The following DHX30 variants were observed in gnomAD, a reference collection of about 807,000 sequenced individuals.
The protein encoded by DHX30 is DExH-box helicase 30, also known as ATP-dependent RNA helicase DHX30.
DHX30 carries 4 observed loss-of-function variants against 116.9 expected under a neutral mutation model. The observed-to-expected ratio is 0.03, with a 90% CI of 0.02 to 0.08. The LOEUF is 0.08. Ranked by LOEUF, DHX30 falls within the 10% of genes least tolerant of loss-of-function variation. The pLI is 1.00. For missense variants in DHX30, 871 were observed against 1,595.1 expected (o/e 0.55, Z 7.73); for synonymous variants, 697 against 651.7 (o/e 1.07, Z -1.06).
intron 6 of DHX30, among the ~76,000 whole-genome samples, chr3:47,832,746 C>CCCA (rs2036918269): frequency 6.6e-6 from 1 of 151,878 alleles, no homozygotes; most frequent in Non-Finnish European, 1.5e-5. Flanking sequence ...AAGTGATCCT[C>CCCA]CCACCTCAGC....
At chr3:47,826,712 A>G (rs1260081394) in intron 4 of DHX30, among the ~76,000 whole-genome samples, 1 of 152,158 alleles carries the variant, frequency 6.6e-6, no homozygotes, top group Non-Finnish European at 1.5e-5. Flanking sequence ...TTGGCCTCCC[A>G]AAGTGCTGGG....
chr3:47,821,394 T>C (rs916810003), intron 4 of DHX30, among the ~76,000 whole-genome samples: 4 of 152,126 alleles, frequency 2.6e-5, no homozygotes, highest in Middle Eastern at 3.4e-3. Flanking sequence ...GCCCCCCGAG[T>C]ACCGGGGAAT....
chr3:47,837,994 G>A (rs971450013), intron 6 of DHX30, among the ~76,000 whole-genome samples: 1 of 152,194 alleles, frequency 6.6e-6, no homozygotes, highest in Non-Finnish European at 1.5e-5. Context: ...CTGTGGGGAC[G>A]AGATCCTCTG....
At chr3:47,815,272 A>G (rs748072075) in intron 3 of DHX30, among the ~76,000 whole-genome samples, 4 of 152,300 alleles carry the variant, frequency 2.6e-5, no homozygotes, top group South Asian at 2.1e-4. Context: ...GCACCTGGCT[A>G]TGGTCGGTGC....
intron 4 of DHX30, chr3:47,825,013 A>C (rs1026171846): frequency 3.2e-6 from 2 of 618,224 alleles, no homozygotes; most frequent in African/African-American, 3.9e-5. Flanking sequence ...CCTGCCGCGC[A>C]CAGGCCTCGG....
rs754452740 is a variant in DHX30, at chr3:47,829,125, G to A, written c.357G>A (p.Gln119=). The A allele has an allele frequency of 6.4e-7, 1 of 1,565,856 alleles. No individual in the cohort carries two copies. Among genetic ancestry groups the A allele is most frequent in the Admixed American group, 2.0e-5 (1 of 49,156 alleles). ...GGCAGGCTGCAGCTGCAGCCTGCCA[G>A]CTGTTCAAGGTGACCCTTCCTCAGT... is the stretch of plus-strand genomic sequence containing the variant. The part of the protein sequence containing the change: ...AERQAAAAAC[Q]LFKGWGLLGP... The change falls in exon 6 of 22, where the codon CAG becomes CAA. Residue 119 remains glutamine (Q), a synonymous_variant. Coordinates refer to ENST00000445061, the MANE Select transcript of DHX30 (RefSeq NM_138615.3).
Position 47,848,673 on chromosome 3 carries a change from T to C in DHX30, c.2625T>C (p.Ala875=). 1 of 1,614,140 alleles carries C rather than the reference T, an allele frequency of 6.2e-7. No individual in the cohort carries two copies. The highest frequency in any genetic ancestry group is 8.5e-7 in the Non-Finnish European group (1 of 1,179,998). ...EYLTTLGQRL[A]HISTDPRLAK... ...TGACTACCCTGGGGCAGCGCCTGGC[T>C]CACATCTCCACCGACCCCCGGTTGG... The change falls in exon 17 of 22, where the codon GCT becomes GCC. Residue 875 remains alanine, a synonymous_variant. Coordinates refer to ENST00000445061, the MANE Select transcript of DHX30 (RefSeq NM_138615.3). This position sits in a 1 kb window ranked among gnomAD's most constrained non-coding sequence, Gnocchi z 9.4.
At position 47,823,996 on chromosome 3, in the gene DHX30, CTTTTTTTTTTTTTTT is replaced by C. The variant is rs759550719; in HGVS notation, c.125-3341_125-3327del. Among the ~76,000 whole-genome samples the C allele has an allele frequency of 1.0e-4, 10 of 100,380 alleles. No individual in the cohort carries two copies. In the East Asian group the frequency reaches 3.0e-3, roughly 30 times the overall value. The allele number at this position is 100,380 out of a possible 152,430, so 65.9% of individuals were successfully genotyped here. A position where few individuals can be genotyped will look rare whatever the true frequency, so the allele number is the denominator to read the frequency against. ...AGCTTTCAGATACCATTTTCTTTTC[CTTTTTTTTTTTTTTT>C]TTTTTTTTTGAGATGGAGCCTTGCT... On this transcript the variant is annotated intron_variant, in intron 4 of 21. Coordinates refer to ENST00000445061, the MANE Select transcript of DHX30 (RefSeq NM_138615.3).
At chr3:47,833,555 A>G (rs991906843) in intron 6 of DHX30, among the ~76,000 whole-genome samples, 8 of 150,156 alleles carry the variant, frequency 5.3e-5, no homozygotes, top group Non-Finnish European at 8.9e-5. Context: ...AAAAAAAAAA[A>G]AAAGAAAGAG....
intron 6 of DHX30, among the ~76,000 whole-genome samples, chr3:47,834,493 A>T (rs1444708557): frequency 1.3e-5 from 2 of 152,048 alleles, no homozygotes; most frequent in African/African-American, 4.8e-5. Context: ...ATTTTGAGAC[A>T]GGGTCTTGCT....
At chr3:47,834,038 C>T (rs1221012611) in intron 6 of DHX30, among the ~76,000 whole-genome samples, 9 of 152,084 alleles carry the variant, frequency 5.9e-5, no homozygotes, top group Non-Finnish European at 1.2e-4. Flanking sequence ...TGGTAACTAC[C>T]AGGTCTACTC....
At chr3:47,843,830 C>G (rs2037485027) in intron 9 of DHX30, among the ~76,000 whole-genome samples, 1 of 152,210 alleles carries the variant, frequency 6.6e-6, no homozygotes, top group Non-Finnish European at 1.5e-5. Context: ...TCCTGCATAG[C>G]TGGGACCATA....
At chr3:47,826,974 T>C (rs1047758667) in intron 4 of DHX30, among the ~76,000 whole-genome samples, 1 of 152,192 alleles carries the variant, frequency 6.6e-6, no homozygotes, top group Non-Finnish European at 1.5e-5. Context: ...TTTGTTTTTG[T>C]ATTTTTTGCT....
intron 6 of DHX30, among the ~76,000 whole-genome samples, chr3:47,831,924 C>CTTTTTTTTTTTTTTTTTTTTTT (rs1448275730): frequency 8.3e-6 from 1 of 120,380 alleles, no homozygotes; most frequent in Non-Finnish European, 1.7e-5. Flanking sequence ...AGGCCTTTTC[C>CTTTTTTTTTTTTTTTTTTTTTT]TTTTTCTTTT....
intron 2 of DHX30, among the ~76,000 whole-genome samples, chr3:47,807,984 C>T (rs1461164956): frequency 6.6e-6 from 1 of 152,038 alleles, no homozygotes; most frequent in Non-Finnish European, 1.5e-5. Flanking sequence ...AATCTCATCT[C>T]ACTGGAACGT....
Position 47,848,391 on chromosome 3 carries a change from G to C in DHX30, c.2493+5G>C. 1 of 1,613,988 alleles carries C rather than the reference G, an allele frequency of 6.2e-7. No homozygotes were observed. Among genetic ancestry groups the C allele is most frequent in the Non-Finnish European group, 8.5e-7 (1 of 1,179,990 alleles). ...ATCCACATGCCTGAGAAGACGGTGC[G>C]GCGGGGCGGGGCAGGGGCTGGCCTG... On this transcript the variant is annotated splice_donor_5th_base_variant and intron_variant, in intron 15 of 21. Coordinates refer to ENST00000445061, the MANE Select transcript of DHX30 (RefSeq NM_138615.3). The surrounding 1 kb of genome is among the most constrained non-coding windows in gnomAD (Gnocchi z 9.4).
At chr3:47,805,819 G>A (rs953875313) in intron 2 of DHX30, among the ~76,000 whole-genome samples, 1 of 152,136 alleles carries the variant, frequency 6.6e-6, no homozygotes, top group Non-Finnish European at 1.5e-5. Flanking sequence ...GGGATTACAG[G>A]CATGAGCCAC....
chr3:47,848,685 C>T lies in DHX30; in HGVS notation c.2637C>T (p.Thr879=), dbSNP rs776647102. Residue 879 remains threonine, a synonymous_variant, in exon 17 of 22, where the codon ACC becomes ACT. Coordinates refer to ENST00000445061, the MANE Select transcript of DHX30 (RefSeq NM_138615.3). This position sits in a 1 kb window ranked among gnomAD's most constrained non-coding sequence, Gnocchi z 9.4. ...GGCAGCGCCTGGCTCACATCTCCACCGACCCCCGGTTGGCCAAGGCCATTG... is the reference window on the plus strand; with the variant it reads ...GGCAGCGCCTGGCTCACATCTCCACTGACCCCCGGTTGGCCAAGGCCATTG... ...TLGQRLAHIS[T]DPRLAKAIVL... 29 of 1,614,030 alleles carry T rather than the reference C, an allele frequency of 1.8e-5. No homozygotes were observed. The highest frequency in any genetic ancestry group is 6.7e-5 in the Admixed American group (4 of 60,002).
intron 4 of DHX30, among the ~76,000 whole-genome samples, chr3:47,821,029 C>T (rs534940373): frequency 6.6e-6 from 1 of 151,976 alleles, no homozygotes; most frequent in Non-Finnish European, 1.5e-5. Context: ...TGTCGGCTCA[C>T]TGCAACCTCT....
Sources: gnomAD v4.1 joint callset for allele counts (sites outside exome capture counted in the v4.1 genomes callset) on GRCh38, gnomAD v4.1.1 for gene constraint, Gnocchi (gnomAD v3.1) non-coding constraint, MANE v1.5 for transcripts, NCBI Gene and HGNC (gene_info 2026-07-23, HGNC 2026-07-21) for gene names.